Variants in BLTP1 observed in about 807,000 individuals in gnomAD.
BLTP1 encodes fragile site-associated protein.
chr4:122,325,750 CATT>C, the BLTP1 span: 5 of 784,688 alleles, frequency 6.4e-6, no homozygotes, highest in African/African-American at 7.4e-5. Flanking sequence ...GCATATTAAA[CATT>C]ATATTAAAAT....
chr4:122,175,934 G>T, the BLTP1 span: 5 of 1,132,360 alleles, frequency 4.4e-6, no homozygotes, highest in Non-Finnish European at 6.7e-6. Context: ...CATTTTTTAT[G>T]TGTTTAAAAT....
chr4:122,200,195 C>T, the BLTP1 span: 2 of 951,062 alleles, frequency 2.1e-6, no homozygotes, highest in African/African-American at 3.5e-5. Context: ...GTGGCATATT[C>T]AGTATTTTAA....
At chr4:122,204,854 A>T in the BLTP1 span, 13 of 876,914 alleles carry the variant, frequency 1.5e-5, no homozygotes, top group Non-Finnish European at 1.8e-5. Flanking sequence ...GATTATGTAA[A>T]GTGTGATGAA....
At chr4:122,355,646 CATAG>C in the BLTP1 span, 4 of 454,064 alleles carry the variant, frequency 8.8e-6, no homozygotes, top group Non-Finnish European at 1.4e-5. Context: ...TATCTGTATA[CATAG>C]ATATATGTAG....
At chr4:122,205,781 CA>C in the BLTP1 span, 1 of 75,936 alleles carries the variant, frequency 1.3e-5, no homozygotes, top group African/African-American at 4.4e-5. Flanking sequence ...CTTTCTCTGT[CA>C]CATACACACA....
chr4:122,226,319 AC>A, the BLTP1 span: 16 of 802,528 alleles, frequency 2.0e-5, no homozygotes, highest in Non-Finnish European at 2.3e-5. Flanking sequence ...ATATTTAGAT[AC>A]TTTTTCACAT....
chr4:122,262,389 G>T, the BLTP1 span, among the ~76,000 whole-genome samples: 1 of 151,936 alleles, frequency 6.6e-6, no homozygotes, highest in African/African-American at 2.4e-5. Flanking sequence ...TGCTCCTTAG[G>T]TATGAATAGT....
the BLTP1 span, chr4:122,277,493 T>G: frequency 3.1e-6 from 3 of 976,876 alleles, no homozygotes; most frequent in African/African-American, 5.3e-5. Flanking sequence ...GCTCTTTCAT[T>G]TCACAAATAT....
the BLTP1 span, chr4:122,318,296 C>G: frequency 6.3e-7 from 1 of 1,597,550 alleles, no homozygotes; most frequent in Non-Finnish European, 8.5e-7. Context: ...TCTTTCAATG[C>G]TGGTGACAAA....
At chr4:122,301,513 A>G in the BLTP1 span, 1 of 535,324 alleles carries the variant, frequency 1.9e-6, no homozygotes, top group African/African-American at 2.0e-5. Flanking sequence ...AATGATCTAT[A>G]ACTCCATCTA....
chr4:122,352,898 T>TTGCAGTACTTGA, the BLTP1 span: 1 of 1,613,250 alleles, frequency 6.2e-7, no homozygotes, highest in Non-Finnish European at 8.5e-7. Context: ...TTTGGTTTTC[T>TTGCAGTACTTGA]TGCAGTACTT....
the BLTP1 span, among the ~76,000 whole-genome samples, chr4:122,290,457 T>G: frequency 8.5e-5 from 13 of 152,080 alleles, no homozygotes; most frequent in Admixed American, 6.6e-5. Context: ...GGTAAACTTA[T>G]GAGTTCTAAA....
chr4:122,314,128 T>A, the BLTP1 span: 1 of 985,010 alleles, frequency 1.0e-6, no homozygotes, highest in Non-Finnish European at 1.2e-6. Flanking sequence ...GGGACAAACA[T>A]TTAAACAAGC....
chr4:122,220,871 A>G, the BLTP1 span, among the ~76,000 whole-genome samples: 1 of 152,144 alleles, frequency 6.6e-6, no homozygotes, highest in African/African-American at 2.4e-5. Context: ...ATGATCAATG[A>G]TTTATTCTTA....
the BLTP1 span, among the ~76,000 whole-genome samples, chr4:122,232,872 G>A: frequency 2.6e-5 from 4 of 152,210 alleles, no homozygotes; most frequent in Non-Finnish European, 2.9e-5. Flanking sequence ...GACTCGTGAC[G>A]ATTTGCCTCT....
chr4:122,216,085 G>GTCTGTCTA, the BLTP1 span, among the ~76,000 whole-genome samples: 1,635 of 144,472 alleles, frequency 0.011, 22 homozygotes, highest in African/African-American at 0.014. Context: ...ATCTTTGTCT[G>GTCTGTCTA]TCTATCTATC....
chr4:122,259,276 C>T, the BLTP1 span, among the ~76,000 whole-genome samples: 2 of 152,186 alleles, frequency 1.3e-5, no homozygotes, highest in East Asian at 1.9e-4. Context: ...TAGAGTACCA[C>T]CTTGCAAGCC....
chr4:122,167,274 A>G, the BLTP1 span, among the ~76,000 whole-genome samples: 7 of 152,096 alleles, frequency 4.6e-5, no homozygotes, highest in Non-Finnish European at 1.0e-4. Context: ...TTCTTCCTTT[A>G]TATATCTCAA....
the BLTP1 span, chr4:122,336,991 G>A: frequency 1.2e-6 from 2 of 1,610,520 alleles, no homozygotes; most frequent in Non-Finnish European, 1.7e-6. Flanking sequence ...TTCCTTCCCT[G>A]TAGATGTTGT....
Sources: gnomAD v4.1 joint callset for allele counts (sites outside exome capture counted in the v4.1 genomes callset) on GRCh38, gnomAD v4.1.1 for gene constraint, MANE v1.5 for transcripts, NCBI Gene and HGNC (gene_info 2026-07-23, HGNC 2026-07-21) for gene names.